Variants in IL24 observed in about 807,000 individuals in gnomAD.
The protein encoded by IL24 is interleukin-24.
IL24 carries 24 observed loss-of-function variants against 27.6 expected under a neutral mutation model. The ratio of observed to expected loss-of-function variants is 0.87; its 90% CI spans 0.63 to 1.22. The LOEUF is 1.22. IL24 is among the 50% of genes most tolerant of loss of function. IL24 has a pLI of 0.00. For missense variants in IL24, 240 were observed against 237.0 expected (o/e 1.01, Z -0.08); for synonymous variants, 99 against 93.1 (o/e 1.06, Z -0.36).
At position 206,897,731 on chromosome 1, in the gene IL24, GGACAA is replaced by G; in HGVS notation, c.-97_-93del. Reference sequence around the variant, plus strand: ...TCAATTTTTTTGAGTGTTGATGTAGGGACAAGACATGACTGTGATGAGGAGCTGCT... The same window carrying G: ...TCAATTTTTTTGAGTGTTGATGTAGGGACATGACTGTGATGAGGAGCTGCT... On this transcript the variant is annotated splice_region_variant and 5_prime_UTR_variant, in exon 2 of 7. The change creates a new upstream start codon in the 5' untranslated region. Transcript: ENST00000294984. The G allele has an allele frequency of 2.4e-6, 3 of 1,241,220 alleles. No homozygotes were observed. The highest frequency in any genetic ancestry group is 3.5e-6 in the Non-Finnish European group (3 of 857,232). 76.9% of individuals were successfully genotyped at this position (1,241,220 alleles called of 1,614,324 possible).
In IL24 at chr1:206,903,101, TC is replaced by T; in HGVS notation, c.*45del. On this transcript the variant is annotated 3_prime_UTR_variant, in exon 7 of 7. Transcript: ENST00000294984. ...CTCCCTCCCCCTGGCACTGGTTTGTTCCCTGTGTCATTTCAAACAGTCTCCC... is the reference window on the plus strand; with the variant it reads ...CTCCCTCCCCCTGGCACTGGTTTGTTCCTGTGTCATTTCAAACAGTCTCCC... 1 of 1,518,494 alleles carries T rather than the reference TC, an allele frequency of 6.6e-7. No homozygotes were observed. The highest frequency in any genetic ancestry group is 9.1e-7 in the Non-Finnish European group (1 of 1,092,902). 94.1% of individuals were successfully genotyped at this position (1,518,494 alleles called of 1,614,324 possible). A position where few individuals can be genotyped will look rare whatever the true frequency, so the allele number is the denominator to read the frequency against.
At chr1:206,900,149 T>C (rs1678319101) in intron 3 of IL24, 146 bp from the exon 4 acceptor site, 1 of 739,438 alleles carries the variant, frequency 1.4e-6, no homozygotes. Context: ...AGCCCAGTCC[T>C]TCCTGGGTCC....
intron 6 of IL24, 107 bp downstream of exon 6, chr1:206,902,179 C>A: frequency 6.7e-7 from 1 of 1,497,898 alleles, no homozygotes; most frequent in Non-Finnish European, 8.9e-7. Context: ...CAGGGGACAC[C>A]ATCAGCTTTG....
intron 4 of IL24, 137 bp downstream of exon 4, chr1:206,900,494 G>A (rs954040542): frequency 3.2e-5 from 24 of 752,486 alleles, no homozygotes; most frequent in Non-Finnish European, 5.1e-5. Context: ...GGGCCAGACT[G>A]TGAGCCAGGG....
chr1:206,899,457 T>G lies in IL24; in HGVS notation c.182T>G (p.Val61Gly). The part of the protein sequence containing the change: ...GQEFHFGPCQ[V>G]KGVVPQKLWE... ...GAATTCCACTTTGGGCCCTGCCAAG[T>G]GAAGGGGGTTGTTCCCCAGAAACTG... Residue 61 changes from valine to glycine, a missense_variant, in exon 3 of 7, where the codon GTG becomes GGG. Coordinates refer to ENST00000294984, the MANE Select transcript of IL24 (RefSeq NM_006850.3). 1 of 1,613,736 alleles carries G rather than the reference T, an allele frequency of 6.2e-7. No individual in the cohort carries two copies. Among genetic ancestry groups the G allele is most frequent in the East Asian group, 2.2e-5 (1 of 44,872 alleles).
At chr1:206,900,126 C>T (rs1678317525) in intron 3 of IL24, among the ~76,000 whole-genome samples, 169 bp from the exon 4 acceptor site, 1 of 152,198 alleles carries the variant, frequency 6.6e-6, no homozygotes, top group African/African-American at 2.4e-5. Flanking sequence ...CTCCCCTCCC[C>T]ATGGGCCAGC....
chr1:206,898,050 C>T (rs568986648), intron 2 of IL24, among the ~76,000 whole-genome samples, 174 bp downstream of exon 2: 1 of 151,792 alleles, frequency 6.6e-6, no homozygotes. Flanking sequence ...TACAAAAATC[C>T]CAGCTACTTG....
chr1:206,899,569 C>T, intron 3 of IL24, 54 bp downstream of exon 3: 2 of 1,408,330 alleles, frequency 1.4e-6, no homozygotes, highest in African/African-American at 1.4e-5. Flanking sequence ...GGGCAGTGGG[C>T]CAGTGGGGCG....
chr1:206,897,900 C>T (rs1176742969), intron 2 of IL24, 24 bp downstream of exon 2: 1 of 1,546,338 alleles, frequency 6.5e-7, no homozygotes, highest in East Asian at 2.3e-5. Context: ...CACCTGTAAT[C>T]CCAGAACTTT....
rs142836578 is a variant in IL24, at chr1:206,897,800, G to A, written c.-33G>A. On this transcript the variant is annotated 5_prime_UTR_variant, in exon 2 of 7. Transcript: ENST00000294984. ...CACCAAGAAGAATTGAGGCTGCTTG[G>A]GAGGAAGGCCAGGAGGAACACGAGA... 4.2e-4 allele frequency: 675 copies of A among 1,612,262 alleles called. 6 individuals carry two copies. The African/African-American group carries it at 6.3e-3, about 15-fold the overall frequency.
Position 206,902,999 on chromosome 1 carries a change from C to T in IL24, c.561C>T (p.Thr187=), listed in dbSNP as rs777548111. ...FKQLDVEAAL[T]KALGEVDILL... is the part of the protein sequence containing the mutation. ...AGTTGGACGTAGAAGCAGCTCTGACCAAAGCCCTTGGGGAAGTGGACATTC... is the reference window on the plus strand; with the variant it reads ...AGTTGGACGTAGAAGCAGCTCTGACTAAAGCCCTTGGGGAAGTGGACATTC... The change falls in exon 7 of 7, where the codon ACC becomes ACT. Residue 187 remains threonine, a synonymous_variant. Transcript: ENST00000294984. 1 of 1,614,170 alleles carries T rather than the reference C, an allele frequency of 6.2e-7. No individual in the cohort carries two copies. The highest frequency in any genetic ancestry group is 1.1e-5 in the South Asian group (1 of 91,084).
At chr1:206,898,730 T>C (rs1678254535) in intron 2 of IL24, among the ~76,000 whole-genome samples, 2 of 152,040 alleles carry the variant, frequency 1.3e-5, no homozygotes, top group South Asian at 4.1e-4. Context: ...GAGTGAGTGG[T>C]TAGTGGAGGT....
Position 206,897,513 on chromosome 1 carries a change from G to T in IL24, c.-205G>T. ...ACGGGAACCTTCCACCCACAGCTATGCCTCTGATTGGTGAATGGTGAAGGT... is the reference window on the plus strand; with the variant it reads ...ACGGGAACCTTCCACCCACAGCTATTCCTCTGATTGGTGAATGGTGAAGGT... On this transcript the variant is annotated 5_prime_UTR_variant, in exon 1 of 7. The change abolishes an upstream ATG in the 5' untranslated region. Transcript: ENST00000294984. The T allele has an allele frequency of 4.9e-6, 1 of 206,080 alleles. No individual in the cohort carries two copies. The highest frequency in any genetic ancestry group is 5.9e-5 in the Admixed American group (1 of 16,980). The allele number at this position is 206,080 out of a possible 1,614,324, so 12.8% of individuals were successfully genotyped here.
At chr1:206,901,413 T>G (rs1678371911) in intron 4 of IL24, 81 bp from the exon 5 acceptor site, 3 of 1,474,016 alleles carry the variant, frequency 2.0e-6, no homozygotes, top group Non-Finnish European at 1.8e-6. Flanking sequence ...TTATCTTGCC[T>G]TGGGTGGCAT....
At chr1:206,902,817 T>TGGAGGAAAAGTGACAGGCAGGTGAACC in intron 6 of IL24, 159 bp from the exon 7 acceptor site, 4 of 985,408 alleles carry the variant, frequency 4.1e-6, no homozygotes, top group Non-Finnish European at 4.8e-6. Context: ...CACATGTAGA[T>TGGAGGAAAAGTGACAGGCAGGTGAACC]GGAGGAAAAG....
Position 206,899,515 on chromosome 1 carries a change from G to A in IL24, c.240G>A (p.Met80Ile). ...CCTTCTGGGCTGTGAAAGACACTAT[G>A]GTGAGTAAAGTGCTGTTCTGGACCC... ...WEAFWAVKDT[M>I]QAQDNITSAR... Residue 80 changes from methionine (M) to isoleucine (I), a missense_variant and splice_region_variant, in exon 3 of 7, where the codon ATG (methionine) becomes ATA (isoleucine). Physicochemically the swap from Met to Ile is conservative, Grantham distance 10. Coordinates refer to ENST00000294984, the MANE Select transcript of IL24 (RefSeq NM_006850.3). 2.5e-6 allele frequency: 4 copies of A among 1,592,494 alleles called. No homozygotes were observed. In the South Asian group the frequency reaches 3.5e-5, roughly 14 times the overall value.
intron 1 of IL24, 56 bp downstream of exon 1, chr1:206,897,671 T>C: frequency 1.7e-6 from 1 of 597,532 alleles, no homozygotes; most frequent in East Asian, 3.1e-5. Context: ...CTCTGCTTTA[T>C]TTGTGAAAAG....
In IL24 at chr1:206,903,474, GCC is replaced by G. The variant is rs1678481358; in HGVS notation, c.*416_*417del. The G allele has an allele frequency of 6.1e-6, 1 of 165,062 alleles. No individual in the cohort carries two copies. The highest frequency in any genetic ancestry group is 1.3e-5 in the Non-Finnish European group (1 of 75,380). The allele number at this position is 165,062 out of a possible 1,614,324, so 10.2% of individuals were successfully genotyped here. On this transcript the variant is annotated 3_prime_UTR_variant, in exon 7 of 7. Coordinates refer to ENST00000294984, the MANE Select transcript of IL24 (RefSeq NM_006850.3). ...TTAATAAACTGTGGTGCTTTTTTTG[GCC>G]TGTCTTTGGATTGTTAAAAAACAGA... is the stretch of plus-strand genomic sequence containing the variant.
chr1:206,902,426 C>A, intron 6 of IL24: 1 of 435,340 alleles, frequency 2.3e-6, no homozygotes, highest in Non-Finnish European at 3.0e-6. Flanking sequence ...TACACATCTG[C>A]AGTATTTTCC....
Sources: allele counts gnomAD v4.1 joint callset (sites outside exome capture counted in the v4.1 genomes callset), GRCh38; gene constraint gnomAD v4.1.1; transcripts MANE v1.5; gene names NCBI Gene and HGNC (gene_info 2026-07-23, HGNC 2026-07-21).